The following AGBL2 variants were observed in gnomAD, a reference collection of about 807,000 sequenced individuals.
AGBL2 encodes cytosolic carboxypeptidase 2.
AGBL2 carries 87 observed loss-of-function variants against 103.0 expected under a neutral mutation model. That is an observed-to-expected ratio of 0.84 (90% CI 0.71 to 1.01). The LOEUF (loss-of-function observed/expected upper bound fraction) is 1.01, where lower values mean the gene tolerates loss of function less well. AGBL2 is among the 50% of genes least tolerant of loss of function. AGBL2 has a pLI of 0.00. For synonymous variants in AGBL2, 335 were observed against 356.7 expected, an observed-to-expected ratio of 0.94 and a Z score of 0.69; for missense variants, 904 against 1,023.5, an observed-to-expected ratio of 0.88 and a Z score of 1.59.
At chr11:47,676,392 C>T (rs568675534) in intron 14 of AGBL2, among the ~76,000 whole-genome samples, 10 of 152,174 alleles carry the variant, frequency 6.6e-5, no homozygotes, top group Non-Finnish European at 1.3e-4. Flanking sequence ...TACCTTTTAC[C>T]TGTATTATTG....
intron 18 of AGBL2, among the ~76,000 whole-genome samples, chr11:47,661,723 C>A (rs1045114290): frequency 6.6e-6 from 1 of 151,906 alleles, no homozygotes; most frequent in African/African-American, 2.4e-5. Flanking sequence ...ATTCCCTGGG[C>A]TATTAGAAAC....
chr11:47,680,911 A>T (rs925121511), intron 12 of AGBL2, among the ~76,000 whole-genome samples: 5 of 152,214 alleles, frequency 3.3e-5, no homozygotes, highest in Admixed American at 1.3e-4. Context: ...GCAATGAAAA[A>T]ATTATAATCA....
chr11:47,675,088 G>A (rs534429147), intron 14 of AGBL2, among the ~76,000 whole-genome samples: 11 of 151,282 alleles, frequency 7.3e-5, no homozygotes, highest in Non-Finnish European at 1.2e-4. Flanking sequence ...TAGTCCCTTC[G>A]TCTCAGTCGC....
At chr11:47,710,909 CAA>C (rs60310587) in intron 3 of AGBL2, 28,835 of 323,768 alleles carry the variant, frequency 0.089, 37 homozygotes, top group South Asian at 0.11. Flanking sequence ...GATCCTGTCT[CAA>C]AAAAAAAAAA....
At chr11:47,697,631 T>C (rs6485771) in intron 8 of AGBL2, among the ~76,000 whole-genome samples, 143,974 of 144,744 alleles carry the variant, frequency 0.99, 71,607 homozygotes, top group Middle Eastern at 1. Flanking sequence ...CTGCAAGCTG[T>C]GCCTCCCGGG....
chr11:47,687,419 T>C (rs946467580), intron 10 of AGBL2, among the ~76,000 whole-genome samples: 1 of 151,916 alleles, frequency 6.6e-6, no homozygotes, highest in Non-Finnish European at 1.5e-5. Flanking sequence ...CTAGAAATGA[T>C]GGAAAAACAT....
chr11:47,707,955 T>A (rs1031851001), intron 4 of AGBL2, among the ~76,000 whole-genome samples: 5 of 152,238 alleles, frequency 3.3e-5, no homozygotes, highest in South Asian at 2.1e-4. Context: ...GGTCTCTCTA[T>A]GTTGCCCAGG....
Position 47,685,971 on chromosome 11 carries a change from G to A in AGBL2, c.1710C>T (p.Gly570=). The A allele has an allele frequency of 6.2e-7, 1 of 1,613,830 alleles. No homozygotes were observed. Among genetic ancestry groups the A allele is most frequent in the South Asian group, 1.1e-5 (1 of 91,074 alleles). Residue 570 remains glycine, a synonymous_variant, in exon 11 of 19, where the codon GGC becomes GGT. Coordinates refer to ENST00000525123, the MANE Select transcript of AGBL2 (RefSeq NM_024783.4). ...AGTATTTGCGATTGTTGTTATTACA[G>A]CCATACAGGAAGATATTATTCTTAC... ...HSRKNNIFLY[G]CNNNNRKYWL... is the part of the protein sequence containing the mutation.
In AGBL2 at chr11:47,661,548, T is replaced by C. The variant is rs566410235; in HGVS notation, c.2536-1202A>G. Among the ~76,000 whole-genome samples, 18 of 152,208 alleles carry C rather than the reference T, an allele frequency of 1.2e-4. No homozygotes were observed. The South Asian group carries it at 2.7e-3, about 23-fold the overall frequency. On this transcript the variant is annotated intron_variant, in intron 18 of 18. Transcript: ENST00000525123. ...ACACTAGAAGACACTGATAGGTAAA[T>C]GAGAGCATCAGTGCAAGAATTCCCA...
At position 47,714,416 on chromosome 11, in the gene AGBL2, A is replaced by G. The variant is rs1034010457; in HGVS notation, c.34-69T>C. On this transcript the variant is annotated intron_variant, in intron 2 of 18. Transcript: ENST00000525123. ...CCATAATAGACTCAACAAAAAGTACATGAGCGTTGTTGCATAGGACTAGAC... is the reference window on the plus strand; with the variant it reads ...CCATAATAGACTCAACAAAAAGTACGTGAGCGTTGTTGCATAGGACTAGAC... 2.7e-6 allele frequency: 4 copies of G among 1,484,212 alleles called. No homozygotes were observed. In the African/African-American group the frequency reaches 5.5e-5, roughly 21 times the overall value. The allele number at this position is 1,484,212 out of a possible 1,614,324, so 91.9% of individuals were successfully genotyped here.
At chr11:47,682,660 T>G (rs1258459955) in intron 11 of AGBL2, among the ~76,000 whole-genome samples, 1 of 152,156 alleles carries the variant, frequency 6.6e-6, no homozygotes, top group Non-Finnish European at 1.5e-5. Flanking sequence ...ATCTTATCAC[T>G]TGGAGTTCAA....
chr11:47,683,921 T>C (rs2097412597), intron 11 of AGBL2, among the ~76,000 whole-genome samples: 1 of 140,814 alleles, frequency 7.1e-6, no homozygotes. Context: ...TGAGACCCTG[T>C]CTCTATTAAA....
intron 8 of AGBL2, among the ~76,000 whole-genome samples, chr11:47,695,522 C>CCTAGCA (rs2153804587): frequency 7.2e-6 from 1 of 138,134 alleles, no homozygotes; most frequent in Non-Finnish European, 1.5e-5. Context: ...GACCTGTAAT[C>CCTAGCA]CTAGCACTTT....
At chr11:47,705,801 G>A (rs1232321446) in intron 5 of AGBL2, 63 bp downstream of exon 5, 3 of 1,411,730 alleles carry the variant, frequency 2.1e-6, no homozygotes, top group Non-Finnish European at 3.0e-6. Context: ...GGGAACAGCA[G>A]GTGATGAAGA....
In AGBL2 at chr11:47,666,989, T is replaced by TA. The variant is rs748435789; in HGVS notation, c.2414dup (p.Leu805PhefsTer6). On this transcript the variant is annotated frameshift_variant, in exon 17 of 19. Transcript: ENST00000525123. LOFTEE classifies it high-confidence loss of function. ...ACCTTGGGTTTTCATTTTTCATTGGTAAAAAACTGGAATTCTCTGAGTTTT... is the reference window on the plus strand; with the variant it reads ...ACCTTGGGTTTTCATTTTTCATTGGTAAAAAAACTGGAATTCTCTGAGTTTT... The TA allele has an allele frequency of 2.9e-5, 46 of 1,613,606 alleles. No homozygotes were observed. The South Asian group carries it at 4.0e-4, about 14-fold the overall frequency.
intron 17 of AGBL2, chr11:47,666,631 A>C (rs1354043128): frequency 1.8e-6 from 1 of 544,990 alleles, no homozygotes; most frequent in East Asian, 3.1e-5. Flanking sequence ...GTGCCCAATA[A>C]AATTCATTGA....
intron 4 of AGBL2, 130 bp downstream of exon 4, chr11:47,710,247 G>T: frequency 9.2e-7 from 1 of 1,082,296 alleles, no homozygotes; most frequent in Non-Finnish European, 1.4e-6. Context: ...GAGAAGTTTT[G>T]AATGGTGTTA....
At chr11:47,696,958 C>T (rs1025750684) in intron 8 of AGBL2, among the ~76,000 whole-genome samples, 1 of 152,050 alleles carries the variant, frequency 6.6e-6, no homozygotes, top group Non-Finnish European at 1.5e-5. Context: ...GAGATAGAGT[C>T]TCGCTCTGTC....
At chr11:47,694,167 A>T (rs150925303) in intron 8 of AGBL2, among the ~76,000 whole-genome samples, 372 of 152,078 alleles carry the variant, frequency 2.4e-3, no homozygotes, top group Middle Eastern at 0.014. Flanking sequence ...ACTGCACTCC[A>T]GCTTGGGTGA....
Sources: gnomAD v4.1 joint callset for allele counts (sites outside exome capture counted in the v4.1 genomes callset) on GRCh38, gnomAD v4.1.1 for gene constraint, MANE v1.5 for transcripts, NCBI Gene and HGNC (gene_info 2026-07-23, HGNC 2026-07-21) for gene names.